Variants in GPR158 observed in about 807,000 individuals in gnomAD.
GPR158 encodes the protein metabotropic glycine receptor.
A neutral mutation model predicts 78.2 loss-of-function variants in GPR158; 30 were observed. The ratio of observed to expected loss-of-function variants is 0.38; its 90% CI spans 0.29 to 0.52. The LOEUF (loss-of-function observed/expected upper bound fraction) is 0.52, where lower values mean the gene tolerates loss of function less well. Ranked by LOEUF, GPR158 falls within the 20% of genes least tolerant of loss-of-function variation. GPR158 has a pLI of 0.83. For synonymous variants in GPR158, 581 were observed against 591.1 expected (o/e 0.98, Z 0.25); for missense variants, 1,463 against 1,523.5 (o/e 0.96, Z 0.66).
At chr10:25,371,693 A>G (rs1833995723) in intron 2 of GPR158, among the ~76,000 whole-genome samples, 1 of 134,240 alleles carries the variant, frequency 7.4e-6, no homozygotes, top group African/African-American at 2.8e-5. Flanking sequence ...TACACCTTAT[A>G]CAAAAATCAA....
intron 1 of GPR158, among the ~76,000 whole-genome samples, chr10:25,190,480 G>T (rs1852759162): frequency 6.6e-6 from 1 of 151,954 alleles, no homozygotes; most frequent in South Asian, 2.1e-4. Flanking sequence ...CTACAGGTGT[G>T]CACCACCATG....
chr10:25,182,970 T>C (rs764121861), intron 1 of GPR158, among the ~76,000 whole-genome samples: 3 of 152,218 alleles, frequency 2.0e-5, no homozygotes, highest in Non-Finnish European at 4.4e-5. Context: ...GTACTGGGGC[T>C]ATGCTTGGGA....
intron 6 of GPR158, among the ~76,000 whole-genome samples, chr10:25,563,933 A>C (rs1170720652): frequency 6.6e-6 from 1 of 151,946 alleles, no homozygotes; most frequent in Non-Finnish European, 1.5e-5. Context: ...GGACCCTATA[A>C]TCTTGTTTCT....
At chr10:25,433,638 C>G (rs1834951809) in intron 4 of GPR158, among the ~76,000 whole-genome samples, 2 of 147,770 alleles carry the variant, frequency 1.4e-5, no homozygotes, top group Admixed American at 6.8e-5. Context: ...AGGAGAGAAG[C>G]AGGGGAGAAA....
intron 4 of GPR158, among the ~76,000 whole-genome samples, chr10:25,443,344 C>A (rs997557834): frequency 2.0e-5 from 3 of 151,956 alleles, no homozygotes; most frequent in African/African-American, 7.3e-5. Flanking sequence ...CACCTGAGGT[C>A]AGGATTTCAA....
chr10:25,500,861 G>C (rs1021386401), intron 5 of GPR158, among the ~76,000 whole-genome samples: 1 of 152,168 alleles, frequency 6.6e-6, no homozygotes, highest in South Asian at 2.1e-4. Context: ...AGGTTGCTGT[G>C]TTAGATCAAA....
At chr10:25,237,850 T>G (rs1853544916) in intron 2 of GPR158, among the ~76,000 whole-genome samples, 1 of 152,326 alleles carries the variant, frequency 6.6e-6, no homozygotes, top group African/African-American at 2.4e-5. Context: ...TAAATGTAAT[T>G]GAAAAACTTA....
At chr10:25,400,985 T>C (rs991359798) in intron 3 of GPR158, among the ~76,000 whole-genome samples, 1 of 152,184 alleles carries the variant, frequency 6.6e-6, no homozygotes, top group African/African-American at 2.4e-5. Flanking sequence ...GGGAAGCTCA[T>C]TGAAAGCAGT....
chr10:25,502,873 C>CA (rs1287420728), intron 5 of GPR158, among the ~76,000 whole-genome samples: 2 of 151,892 alleles, frequency 1.3e-5, no homozygotes, highest in Non-Finnish European at 2.9e-5. Flanking sequence ...GGTTCCTTTA[C>CA]AAAAAAAGGG....
chr10:25,524,318 G>GC (rs1836322400), intron 5 of GPR158, among the ~76,000 whole-genome samples: 1 of 152,054 alleles, frequency 6.6e-6, no homozygotes, highest in Admixed American at 6.6e-5. Flanking sequence ...CACGCAAGGG[G>GC]CCCAGAATAT....
intron 3 of GPR158, among the ~76,000 whole-genome samples, chr10:25,406,319 T>C (rs1834514765): frequency 6.6e-6 from 1 of 152,130 alleles, no homozygotes. Context: ...CTGAAGGGCA[T>C]TGTATACAGT....
In GPR158 at chr10:25,531,319, T is replaced by C. The variant is rs147915987; in HGVS notation, c.1405-19657T>C. On this transcript the variant is annotated intron_variant, in intron 5 of 10. Transcript: ENST00000376351. ...AAGTCAGGAAAAGAGAAACATCAAGTAGGTAACAAAAAGTAAAAACCCCGC... is the reference window on the plus strand; with the variant it reads ...AAGTCAGGAAAAGAGAAACATCAAGCAGGTAACAAAAAGTAAAAACCCCGC... 2.1e-3 allele frequency among the ~76,000 whole-genome samples: 324 copies of C among 152,242 alleles called. 3 individuals are homozygous for C. Among genetic ancestry groups the C allele is most frequent in the African/African-American group, 7.5e-3 (311 of 41,548 alleles).
chr10:25,550,702 T>C (rs1242619494), intron 5 of GPR158, among the ~76,000 whole-genome samples: 1 of 152,148 alleles, frequency 6.6e-6, no homozygotes, highest in Non-Finnish European at 1.5e-5. Flanking sequence ...CTGCACCCAT[T>C]AACTCGTCAT....
intron 4 of GPR158, among the ~76,000 whole-genome samples, chr10:25,448,241 C>T (rs1462585933): frequency 4.0e-5 from 6 of 151,748 alleles, no homozygotes; most frequent in African/African-American, 7.3e-5. Flanking sequence ...CCCGCCACCA[C>T]GCCTGGCTAA....
chr10:25,403,996 TCA>T (rs1834479309), intron 3 of GPR158, among the ~76,000 whole-genome samples: 1 of 152,096 alleles, frequency 6.6e-6, no homozygotes, highest in Non-Finnish European at 1.5e-5. Context: ...TTTTAAACAA[TCA>T]TAAGCTTAAG....
chr10:25,417,489 G>C (rs1264481457), intron 4 of GPR158, among the ~76,000 whole-genome samples: 8 of 152,122 alleles, frequency 5.3e-5, no homozygotes, highest in Admixed American at 6.5e-5. Context: ...CAGGTTCTAT[G>C]CATGAAATCT....
At chr10:25,539,009 G>A (rs1836539123) in intron 5 of GPR158, among the ~76,000 whole-genome samples, 1 of 152,146 alleles carries the variant, frequency 6.6e-6, no homozygotes. Context: ...ACCGAGACCA[G>A]GGAGGGCACC....
intron 2 of GPR158, among the ~76,000 whole-genome samples, chr10:25,288,838 CTGTATCTTAAATATA>C (rs1342534152): frequency 1.3e-5 from 2 of 152,202 alleles, no homozygotes; most frequent in Non-Finnish European, 2.9e-5. Context: ...CTCTCAAAGA[CTGTATCTTAAATATA>C]TAGTTCATTC....
At chr10:25,260,947 T>C (rs376301616) in intron 2 of GPR158, among the ~76,000 whole-genome samples, 36 of 152,306 alleles carry the variant, frequency 2.4e-4, no homozygotes, top group South Asian at 2.3e-3. Context: ...AGTTGTGCTA[T>C]ACCAGAAGGA....
Sources: allele counts gnomAD v4.1 joint callset (sites outside exome capture counted in the v4.1 genomes callset), GRCh38; gene constraint gnomAD v4.1.1; transcripts MANE v1.5; gene names NCBI Gene and HGNC (gene_info 2026-07-23, HGNC 2026-07-21).